Variants in PPME1 observed in about 807,000 individuals in gnomAD.
PPME1 encodes the protein protein phosphatase methylesterase 1.
In PPME1, 17 loss-of-function variants were observed where a neutral mutation model predicts 56.9. The observed-to-expected ratio is 0.30, with a 90% CI of 0.20 to 0.45. PPME1 has a LOEUF of 0.45. PPME1 is among the 20% of genes least tolerant of loss of function. PPME1 has a pLI of 1.00. For synonymous variants in PPME1, 122 were observed against 156.2 expected (o/e 0.78, Z 1.63); for missense variants, 357 against 483.2 (o/e 0.74, Z 2.45).
At chr11:74,202,249 CT>C (rs2135621853) in intron 1 of PPME1, among the ~76,000 whole-genome samples, 2 of 152,248 alleles carry the variant, frequency 1.3e-5, no homozygotes, top group African/African-American at 4.8e-5. Context: ...ACATGGGGAA[CT>C]TTAAAAATCC....
Position 74,171,340 on chromosome 11 carries a change from C to A in PPME1, c.-82C>A. 6.6e-7 allele frequency: 1 copy of A among 1,522,810 alleles called. No individual in the cohort carries two copies. Among genetic ancestry groups the A allele is most frequent in the Non-Finnish European group, 8.8e-7 (1 of 1,132,262 alleles). The allele number at this position is 1,522,810 out of a possible 1,614,324, so 94.3% of individuals were successfully genotyped here. ...AGGCGACAGGGCGTCGTTAGGGGAG[C>A]GAGTCGTGACCGGTTGGGCCACACT... On this transcript the variant is annotated 5_prime_UTR_variant, in exon 1 of 14. Transcript: ENST00000328257.
At position 74,171,473 on chromosome 11, in the gene PPME1, C is replaced by T; in HGVS notation, c.52C>T (p.Pro18Ser). Reference sequence around the variant, plus strand: ...CCTCGGCCGCCTTCCCTCTCGCCCACCTCTACCCGGCAGCGGGGGCAGTCA... The same window carrying T: ...CCTCGGCCGCCTTCCCTCTCGCCCATCTCTACCCGGCAGCGGGGGCAGTCA... ...MHLGRLPSRP[P>S]LPGSGGSQSG... is the part of the protein sequence containing the mutation. Residue 18 changes from proline to serine, a missense_variant, in exon 1 of 14, where the codon CCT (proline) becomes TCT (serine). Around this residue, in one of 2 missense-constraint regions of PPME1, gnomAD observed 175 missense variants for 189.4 expected, o/e 0.92. Transcript: ENST00000328257. 6.2e-7 allele frequency: 1 copy of T among 1,613,526 alleles called. No individual in the cohort carries two copies. Among genetic ancestry groups the T allele is most frequent in the Non-Finnish European group, 8.5e-7 (1 of 1,179,796 alleles).
chr11:74,191,035 G>C (rs182888312), intron 1 of PPME1, among the ~76,000 whole-genome samples: 1 of 152,296 alleles, frequency 6.6e-6, no homozygotes, highest in East Asian at 1.9e-4. Context: ...TCACAGCCTG[G>C]TATCAGATAC....
chr11:74,181,439 A>G (rs963350297), intron 1 of PPME1, among the ~76,000 whole-genome samples: 10 of 152,204 alleles, frequency 6.6e-5, no homozygotes, highest in Non-Finnish European at 8.8e-5. Context: ...CTGAGCACCT[A>G]TAACAATTTT....
At chr11:74,228,311 G>A (rs2135658867) in intron 5 of PPME1, among the ~76,000 whole-genome samples, 1 of 152,158 alleles carries the variant, frequency 6.6e-6, no homozygotes, top group South Asian at 2.1e-4. Context: ...TTTCCTCTGT[G>A]TTACTACTCT....
At chr11:74,195,360 A>G (rs1857953297) in intron 1 of PPME1, among the ~76,000 whole-genome samples, 1 of 152,160 alleles carries the variant, frequency 6.6e-6, no homozygotes, top group African/African-American at 2.4e-5. Flanking sequence ...CTGTTTTTGA[A>G]CACTATTATT....
At chr11:74,235,241 T>G (rs1859161951) in intron 7 of PPME1, among the ~76,000 whole-genome samples, 2 of 152,158 alleles carry the variant, frequency 1.3e-5, no homozygotes, top group Non-Finnish European at 2.9e-5. Context: ...TAGTTGTACT[T>G]AGGTGGACAA....
chr11:74,252,251 GTT>G (rs1249533305), intron 13 of PPME1, among the ~76,000 whole-genome samples: 2 of 118,454 alleles, frequency 1.7e-5, no homozygotes, highest in Admixed American at 8.5e-5. Context: ...TTTTTTTTTT[GTT>G]TTTTTTTTTT....
Position 74,253,625 on chromosome 11 carries a change from C to A in PPME1, c.*115C>A. ...CCCGCCCAGCCATGTGACACTGGCTCCCGGTAGACGGGCACCCCGAGATGT... is the reference window on the plus strand; with the variant it reads ...CCCGCCCAGCCATGTGACACTGGCTACCGGTAGACGGGCACCCCGAGATGT... On this transcript the variant is annotated 3_prime_UTR_variant, in exon 14 of 14. Coordinates refer to ENST00000328257, the MANE Select transcript of PPME1 (RefSeq NM_016147.3). The A allele has an allele frequency of 1.7e-6, 2 of 1,201,002 alleles. No homozygotes were observed. Among genetic ancestry groups the A allele is most frequent in the Non-Finnish European group, 2.5e-6 (2 of 809,112 alleles). 74.4% of individuals were successfully genotyped at this position (1,201,002 alleles called of 1,614,324 possible).
At chr11:74,177,711 A>C (rs1007925608) in intron 1 of PPME1, among the ~76,000 whole-genome samples, 1 of 152,154 alleles carries the variant, frequency 6.6e-6, no homozygotes, top group African/African-American at 2.4e-5. Context: ...AAAAATCCTG[A>C]TAGTATTTTT....
intron 3 of PPME1, among the ~76,000 whole-genome samples, chr11:74,214,651 A>AGG (rs1357364070): frequency 4.3e-4 from 66 of 151,946 alleles, no homozygotes; most frequent in African/African-American, 1.5e-3. Context: ...CTTACAGGCC[A>AGG]GGGGAGAGTG....
intron 1 of PPME1, among the ~76,000 whole-genome samples, chr11:74,181,337 C>G (rs914891866): frequency 6.6e-6 from 1 of 152,134 alleles, no homozygotes; most frequent in Non-Finnish European, 1.5e-5. Flanking sequence ...CGTGAGCCAC[C>G]GCGCCCGGCC....
At chr11:74,187,411 C>T (rs751313827) in intron 1 of PPME1, among the ~76,000 whole-genome samples, 5 of 152,072 alleles carry the variant, frequency 3.3e-5, no homozygotes, top group African/African-American at 9.7e-5. Context: ...TTTTTAATTT[C>T]TTCAACAGTA....
rs569377566 is a variant in PPME1 at position 74,228,845 on chromosome 11, A to G, written c.399-1400A>G. 3.0e-4 allele frequency among the ~76,000 whole-genome samples: 46 copies of G among 152,270 alleles called. 2 individuals are homozygous for G. The South Asian group carries it at 8.5e-3, about 28-fold the overall frequency. On this transcript the variant is annotated intron_variant, in intron 5 of 13. Transcript: ENST00000328257. Reference sequence around the variant, plus strand: ...GTATTAGTTCTCTTTTCTTTCCTTCATATCATTTTGTCTCCCAGAGAGAAT... The same window carrying G: ...GTATTAGTTCTCTTTTCTTTCCTTCGTATCATTTTGTCTCCCAGAGAGAAT...
chr11:74,219,448 G>A (rs987508494), intron 3 of PPME1, among the ~76,000 whole-genome samples: 6 of 152,062 alleles, frequency 3.9e-5, no homozygotes, highest in Admixed American at 3.3e-4. Flanking sequence ...ACACTCCCAT[G>A]TTTATTACAG....
rs555552991 is a variant in PPME1, at chr11:74,176,604, C to T, written c.101+5082C>T. Among the ~76,000 whole-genome samples the T allele has an allele frequency of 2.6e-5, 4 of 152,114 alleles. No individual in the cohort carries two copies. The South Asian group carries it at 8.3e-4, about 32-fold the overall frequency. Reference sequence around the variant, plus strand: ...CTCCCATAAACTCGTTACTCATTAGCATCTTCCCTTCCTCCCAGCATGTAT... The same window carrying T: ...CTCCCATAAACTCGTTACTCATTAGTATCTTCCCTTCCTCCCAGCATGTAT... On this transcript the variant is annotated intron_variant, in intron 1 of 13. Transcript: ENST00000328257.
chr11:74,225,465 G>C (rs1443940969), intron 5 of PPME1, among the ~76,000 whole-genome samples: 2 of 151,986 alleles, frequency 1.3e-5, no homozygotes, highest in Non-Finnish European at 2.9e-5. Context: ...CCAATGCAAT[G>C]GTCATCATAT....
At chr11:74,203,644 G>T in intron 1 of PPME1, 84 bp from the exon 2 acceptor site, 1 of 941,620 alleles carries the variant, frequency 1.1e-6, no homozygotes, top group South Asian at 1.6e-5. Context: ...TTTCATTACT[G>T]ACTTACATTT....
In PPME1 at chr11:74,235,882, C is replaced by T; in HGVS notation, c.645-19C>T. On this transcript the variant is annotated intron_variant, in intron 7 of 13. Coordinates refer to ENST00000328257, the MANE Select transcript of PPME1 (RefSeq NM_016147.3). ...TAGATACTGAATAACCTTCTCTCTT[C>T]CTTTCTTTTCTTTCCCAGTGTGAAG... 1 of 1,604,064 alleles carries T rather than the reference C, an allele frequency of 6.2e-7. No individual in the cohort carries two copies. The highest frequency in any genetic ancestry group is 1.1e-5 in the South Asian group (1 of 88,826).
Sources: allele counts gnomAD v4.1 joint callset (sites outside exome capture counted in the v4.1 genomes callset), GRCh38; gene constraint gnomAD v4.1.1; regional missense constraint gnomAD v4.1.1; transcripts MANE v1.5; gene names NCBI Gene and HGNC (gene_info 2026-07-23, HGNC 2026-07-21).